DENND1A: variants seen among roughly 807,000 people sequenced by gnomAD.
The protein encoded by DENND1A is DENN domain containing 1A, also known as DENN domain-containing protein 1A.
DENND1A carries 51 observed loss-of-function variants against 113.7 expected under a neutral mutation model. The observed-to-expected ratio is 0.45, with a 90% CI of 0.36 to 0.57. DENND1A has a LOEUF of 0.57. Among genes scored for constraint, DENND1A ranks in the 20% least tolerant of loss-of-function variants. The pLI, the probability that DENND1A is intolerant of heterozygous loss-of-function variation, is 0.00. For missense variants in DENND1A, 1,258 were observed against 1,395.9 expected (o/e 0.90, Z 1.57); for synonymous variants, 565 against 570.8 (o/e 0.99, Z 0.14).
In DENND1A at chr9:123,410,940, T is replaced by C. The variant is rs552490735; in HGVS notation, c.1542+836A>G. 2.0e-5 allele frequency among the ~76,000 whole-genome samples: 3 copies of C among 152,272 alleles called. No individual in the cohort carries two copies. The East Asian group carries it at 5.8e-4, about 29-fold the overall frequency. On this transcript the variant is annotated intron_variant, in intron 20 of 23. Transcript: ENST00000394215. Reference sequence around the variant, plus strand: ...CGCATGCCTCAGCATGGCCGGAGTCTGACCTACCAAGGAAAACGACTCCAC... The same window carrying C: ...CGCATGCCTCAGCATGGCCGGAGTCCGACCTACCAAGGAAAACGACTCCAC...
chr9:123,642,700 C>G (rs1178658600), intron 9 of DENND1A, among the ~76,000 whole-genome samples: 1 of 152,192 alleles, frequency 6.6e-6, no homozygotes, highest in East Asian at 1.9e-4. Context: ...TTTGTTCCTA[C>G]GGCTGGAACA....
intron 2 of DENND1A, among the ~76,000 whole-genome samples, chr9:123,862,962 G>C (rs1325306849): frequency 6.6e-6 from 1 of 152,002 alleles, no homozygotes; most frequent in Non-Finnish European, 1.5e-5. Context: ...ACATCAAATG[G>C]GAATCTTCAA....
chr9:123,528,411 A>G (rs1048605831), intron 13 of DENND1A, among the ~76,000 whole-genome samples: 2 of 152,172 alleles, frequency 1.3e-5, no homozygotes, highest in Admixed American at 6.5e-5. Flanking sequence ...AATATTTGCC[A>G]TATATTTATT....
chr9:123,689,067 T>C (rs1189927372), intron 5 of DENND1A, among the ~76,000 whole-genome samples: 1 of 152,204 alleles, frequency 6.6e-6, no homozygotes, highest in Non-Finnish European at 1.5e-5. Flanking sequence ...CTCTGTTGCC[T>C]AGGCTGGAGT....
At chr9:123,598,044 GAT>G (rs2059773492) in intron 11 of DENND1A, among the ~76,000 whole-genome samples, 1 of 152,208 alleles carries the variant, frequency 6.6e-6, no homozygotes, top group Non-Finnish European at 1.5e-5. Context: ...TGCACAGACA[GAT>G]ACAGTTAAGG....
intron 5 of DENND1A, among the ~76,000 whole-genome samples, chr9:123,690,800 C>T (rs1371850430): frequency 6.6e-6 from 1 of 152,240 alleles, no homozygotes; most frequent in Non-Finnish European, 1.5e-5. Context: ...GAAGATGCAA[C>T]AGCCCTCCTG....
At chr9:123,477,673 C>T (rs2050023581) in intron 13 of DENND1A, among the ~76,000 whole-genome samples, 1 of 151,620 alleles carries the variant, frequency 6.6e-6, no homozygotes, top group Non-Finnish European at 1.5e-5. Context: ...TTGAAAGGTG[C>T]AGCAAACCAC....
chr9:123,473,428 C>A (rs764226306), intron 13 of DENND1A, among the ~76,000 whole-genome samples: 6 of 152,040 alleles, frequency 3.9e-5, no homozygotes, highest in Non-Finnish European at 7.4e-5. Context: ...CTGGAGTTGT[C>A]GTGGAGACAA....
At chr9:123,869,673 G>A (rs1846238775) in intron 2 of DENND1A, among the ~76,000 whole-genome samples, 1 of 152,194 alleles carries the variant, frequency 6.6e-6, no homozygotes. Flanking sequence ...TGTCTTTTGA[G>A]TGAGTGGCAA....
At chr9:123,748,249 T>A (rs1460910710) in intron 5 of DENND1A, among the ~76,000 whole-genome samples, 1 of 152,200 alleles carries the variant, frequency 6.6e-6, no homozygotes, top group Admixed American at 6.5e-5. Context: ...CCATCCCAAT[T>A]CAGGGAAGGA....
chr9:123,686,802 T>A (rs188617121), intron 5 of DENND1A, among the ~76,000 whole-genome samples: 13 of 152,330 alleles, frequency 8.5e-5, no homozygotes, highest in Admixed American at 3.9e-4. Flanking sequence ...TTGCCTTTTT[T>A]AATTTAAAGT....
chr9:123,614,212 C>T (rs1302828337), intron 10 of DENND1A, among the ~76,000 whole-genome samples: 1 of 152,196 alleles, frequency 6.6e-6, no homozygotes, highest in Non-Finnish European at 1.5e-5. Flanking sequence ...ACTTCAGACG[C>T]AAGGCTGCTG....
chr9:123,469,250 A>C (rs536745327), intron 13 of DENND1A, among the ~76,000 whole-genome samples: 35 of 152,354 alleles, frequency 2.3e-4, no homozygotes, highest in Admixed American at 5.9e-4. Flanking sequence ...ACAAGCCCTA[A>C]ACAAAGAATC....
chr9:123,653,692 T>C (rs558056780), intron 8 of DENND1A, among the ~76,000 whole-genome samples: 1 of 152,066 alleles, frequency 6.6e-6, no homozygotes, highest in African/African-American at 2.4e-5. Context: ...CCACACAAAA[T>C]TGTAGGTAAA....
At chr9:123,463,181 G>C (rs967518926) in intron 13 of DENND1A, among the ~76,000 whole-genome samples, 4 of 152,188 alleles carry the variant, frequency 2.6e-5, no homozygotes, top group Non-Finnish European at 5.9e-5. Flanking sequence ...TTCAAGCTTA[G>C]ATCACATTAG....
chr9:123,767,992 G>A (rs1201634038), intron 4 of DENND1A, among the ~76,000 whole-genome samples: 1 of 152,106 alleles, frequency 6.6e-6, no homozygotes, highest in African/African-American at 2.4e-5. Context: ...GAGATTTCAT[G>A]CATAGCTAAT....
intron 12 of DENND1A, among the ~76,000 whole-genome samples, chr9:123,565,398 T>C (rs982562570): frequency 3.3e-5 from 5 of 152,192 alleles, no homozygotes; most frequent in Non-Finnish European, 5.9e-5. Flanking sequence ...AAAGCCCGGC[T>C]CAAGTTAGTC....
chr9:123,600,193 G>A (rs752992053), intron 11 of DENND1A, among the ~76,000 whole-genome samples: 1 of 152,134 alleles, frequency 6.6e-6, no homozygotes, highest in Admixed American at 6.5e-5. Context: ...GAAAAAGGAG[G>A]GCAGAGTCAA....
chr9:123,881,624 A>T (rs1848324927), intron 1 of DENND1A, among the ~76,000 whole-genome samples: 1 of 152,208 alleles, frequency 6.6e-6, no homozygotes, highest in Non-Finnish European at 1.5e-5. Flanking sequence ...TATGCATTTT[A>T]AAAATTGAAA....
Sources: allele counts gnomAD v4.1 joint callset (sites outside exome capture counted in the v4.1 genomes callset), GRCh38; gene constraint gnomAD v4.1.1; transcripts MANE v1.5; gene names NCBI Gene and HGNC (gene_info 2026-07-23, HGNC 2026-07-21).